The following EVI5 variants were observed in gnomAD, a reference collection of about 807,000 sequenced individuals.
EVI5 encodes ecotropic viral integration site 5 protein homolog.
In EVI5, 73 loss-of-function variants were observed where a neutral mutation model predicts 112.0. The ratio of observed to expected loss-of-function variants is 0.65; its 90% CI spans 0.54 to 0.79. EVI5 has a LOEUF of 0.79. Ranked by LOEUF, EVI5 falls within the 30% of genes least tolerant of loss-of-function variation. The probability of loss-of-function intolerance (pLI) is 0.00; values close to 1 mark genes in which losing one functional copy is unlikely to be tolerated. For synonymous variants in EVI5, 305 were observed against 319.9 expected, an observed-to-expected ratio of 0.95 and a Z score of 0.50; for missense variants, 900 against 968.8, an observed-to-expected ratio of 0.93 and a Z score of 0.94.
At chr1:92,758,361 G>A (rs889251654) in intron 1 of EVI5, among the ~76,000 whole-genome samples, 2 of 151,996 alleles carry the variant, frequency 1.3e-5, no homozygotes, top group Non-Finnish European at 2.9e-5. Context: ...TCGAGCCCAG[G>A]AGTTCAAGAC....
chr1:92,757,329 C>CA (rs1442915161), intron 1 of EVI5, among the ~76,000 whole-genome samples: 2 of 151,926 alleles, frequency 1.3e-5, no homozygotes. Flanking sequence ...GCTTATAAGT[C>CA]AAAAACAAAC....
chr1:92,744,877 T>C (rs976555943), intron 1 of EVI5, among the ~76,000 whole-genome samples: 2 of 152,172 alleles, frequency 1.3e-5, no homozygotes, highest in African/African-American at 4.8e-5. Context: ...CAGGCATTAT[T>C]ATACACTGTC....
intron 3 of EVI5, 34 bp from the exon 4 acceptor site, chr1:92,703,653 T>G: frequency 7.6e-7 from 1 of 1,316,866 alleles, no homozygotes; most frequent in Non-Finnish European, 1.1e-6. Context: ...AAATGAATTA[T>G]TTAAGTGTCC....
chr1:92,771,805 C>T (rs1033572861), intron 1 of EVI5, among the ~76,000 whole-genome samples: 2 of 151,632 alleles, frequency 1.3e-5, no homozygotes, highest in Non-Finnish European at 2.9e-5. Context: ...TATTACTTTA[C>T]TGTGTGTTTT....
intron 18 of EVI5, among the ~76,000 whole-genome samples, chr1:92,580,130 C>T (rs1027668624): frequency 6.6e-6 from 1 of 152,172 alleles, no homozygotes; most frequent in Non-Finnish European, 1.5e-5. Context: ...GAGGCTAATG[C>T]TTGAACAAGA....
chr1:92,749,865 T>C lies in EVI5; in HGVS notation c.-81-13238A>G, dbSNP rs57360255. Reference sequence around the variant, plus strand: ...ACAGCCTCAGATTTCCAAATATCCATACTAATTCATGTTCACATAACTGCT... The same window carrying C: ...ACAGCCTCAGATTTCCAAATATCCACACTAATTCATGTTCACATAACTGCT... On this transcript the variant is annotated intron_variant, in intron 1 of 19. Coordinates refer to ENST00000684568, the MANE Select transcript of EVI5 (RefSeq NM_001350197.2). Among the ~76,000 whole-genome samples, 263 of 152,286 alleles carry C rather than the reference T, an allele frequency of 1.7e-3. 5 individuals are homozygous for C. In the East Asian group the frequency reaches 0.046, roughly 27 times the overall value.
chr1:92,783,531 A>G (rs1368633737), intron 1 of EVI5, among the ~76,000 whole-genome samples: 3 of 149,426 alleles, frequency 2.0e-5, no homozygotes, highest in Non-Finnish European at 4.5e-5. Flanking sequence ...AAGAAAAAGA[A>G]GGCCGGGCAC....
At chr1:92,642,245 TTTGTTGTTA>T (rs1329672071) in intron 13 of EVI5, among the ~76,000 whole-genome samples, 3 of 152,240 alleles carry the variant, frequency 2.0e-5, no homozygotes, top group African/African-American at 7.2e-5. Flanking sequence ...ACTGTAAGAT[TTTGTTGTTA>T]TTGTTGTTAA....
At chr1:92,726,843 A>T (rs1172003849) in intron 2 of EVI5, among the ~76,000 whole-genome samples, 1 of 152,172 alleles carries the variant, frequency 6.6e-6, no homozygotes, top group African/African-American at 2.4e-5. Flanking sequence ...GTGAAGTGGT[A>T]TAACCCTCAA....
At chr1:92,574,821 A>C (rs1410480490) in intron 18 of EVI5, among the ~76,000 whole-genome samples, 1 of 152,198 alleles carries the variant, frequency 6.6e-6, no homozygotes, top group Non-Finnish European at 1.5e-5. Flanking sequence ...AAGGTCCTAA[A>C]AATGAATTTT....
chr1:92,565,827 G>A (rs761565872), intron 18 of EVI5, among the ~76,000 whole-genome samples: 4 of 151,366 alleles, frequency 2.6e-5, no homozygotes, highest in Admixed American at 6.6e-5. Flanking sequence ...ACGATTAGCC[G>A]GGTGTGGTAG....
chr1:92,663,361 A>G, intron 12 of EVI5, 59 bp downstream of exon 12: 4 of 815,766 alleles, frequency 4.9e-6, no homozygotes, highest in Non-Finnish European at 7.4e-6. Flanking sequence ...GAGGTTTAGG[A>G]CTTTCCTTAG....
At chr1:92,576,504 TAAG>T (rs1571645695) in intron 18 of EVI5, among the ~76,000 whole-genome samples, 2 of 152,182 alleles carry the variant, frequency 1.3e-5, no homozygotes, top group Admixed American at 6.5e-5. Context: ...GTAAAATTAT[TAAG>T]AAGAATATTG....
intron 19 of EVI5, among the ~76,000 whole-genome samples, chr1:92,549,178 C>T (rs971844646): frequency 5.3e-5 from 8 of 152,098 alleles, no homozygotes; most frequent in Admixed American, 3.3e-4. Context: ...GAACAGAGGC[C>T]TCAGAAATAA....
At chr1:92,530,130 A>C (rs1662613425) in intron 19 of EVI5, among the ~76,000 whole-genome samples, 2 of 152,124 alleles carry the variant, frequency 1.3e-5, no homozygotes, top group Admixed American at 6.5e-5. Context: ...AGAACTTAGT[A>C]CTCTGACTTG....
At chr1:92,676,023 T>C (rs1164252655) in intron 10 of EVI5, among the ~76,000 whole-genome samples, 1 of 131,136 alleles carries the variant, frequency 7.6e-6, no homozygotes, top group Non-Finnish European at 1.7e-5. Flanking sequence ...GTGACAGAAT[T>C]AAAAAAAAAA....
At chr1:92,583,098 G>T (rs1331620693) in intron 18 of EVI5, among the ~76,000 whole-genome samples, 1 of 152,018 alleles carries the variant, frequency 6.6e-6, no homozygotes, top group Non-Finnish European at 1.5e-5. Flanking sequence ...TTTTCACCTA[G>T]TATGTCTTGT....
chr1:92,576,228 CAT>C (rs71704016), intron 18 of EVI5, among the ~76,000 whole-genome samples: 3,727 of 151,522 alleles, frequency 0.025, 172 homozygotes, highest in African/African-American at 0.086. Flanking sequence ...ATGTCCTACA[CAT>C]ATGTATGTCA....
intron 14 of EVI5, among the ~76,000 whole-genome samples, chr1:92,632,514 GT>G (rs1282396205): frequency 9.9e-5 from 15 of 152,102 alleles, no homozygotes; most frequent in Admixed American, 6.5e-4. Flanking sequence ...CTGTGGGATA[GT>G]TGGTGATATC....
Sources: allele counts gnomAD v4.1 joint callset (sites outside exome capture counted in the v4.1 genomes callset), GRCh38; gene constraint gnomAD v4.1.1; transcripts MANE v1.5; gene names NCBI Gene and HGNC (gene_info 2026-07-23, HGNC 2026-07-21).